GDF1: variants seen among roughly 807,000 people sequenced by gnomAD.
The protein encoded by GDF1 is growth differentiation factor 1, also known as embryonic growth/differentiation factor 1.
Under a neutral mutation model 7.4 loss-of-function variants are expected in GDF1, and 8 were observed. The ratio of observed to expected loss-of-function variants is 1.09; its 90% CI spans 0.64 to 1.96. GDF1 has a LOEUF of 1.96. GDF1 is among the 30% of genes most tolerant of loss of function. The pLI is 0.00. For synonymous variants in GDF1, 311 were observed against 276.7 expected, an observed-to-expected ratio of 1.12 and a Z score of -1.23; for missense variants, 574 against 551.5, an observed-to-expected ratio of 1.04 and a Z score of -0.41.
Position 18,868,793 on chromosome 19 carries a change from CCCGACAGCGCGA to C in GDF1, c.911_922del (p.Val304_Ser307del). The C allele has an allele frequency of 1.4e-6, 2 of 1,459,508 alleles. No homozygotes were observed. Among genetic ancestry groups the C allele is most frequent in the Non-Finnish European group, 1.8e-6 (2 of 1,095,968 alleles). The allele number at this position is 1,459,508 out of a possible 1,614,324, so 90.4% of individuals were successfully genotyped here. ...GTTGAGCGCCGGCGGCCCCCCGGACCCCGACAGCGCGACGGGCAGCGCGCACTGACCCTGGCA... is the reference window on the plus strand; with the variant it reads ...GTTGAGCGCCGGCGGCCCCCCGGACCCGGGCAGCGCGCACTGACCCTGGCA... On this transcript the variant is annotated inframe_deletion, in exon 8 of 8. Coordinates refer to ENST00000247005, the MANE Select transcript of GDF1 (RefSeq NM_001492.6).
At chr19:18,877,350 A>C (rs1222630994) in intron 6 of GDF1, among the ~76,000 whole-genome samples, 1 of 152,134 alleles carries the variant, frequency 6.6e-6, no homozygotes, top group East Asian at 1.9e-4. Context: ...TCACTGTTCT[A>C]CAGCAAGAGG....
chr19:18,871,242 T>C (rs2055965256), intron 6 of GDF1, among the ~76,000 whole-genome samples: 1 of 145,386 alleles, frequency 6.9e-6, no homozygotes, highest in African/African-American at 2.6e-5. Flanking sequence ...TTTTTTTTTT[T>C]TTGAGACAGA....
intron 3 of GDF1, among the ~76,000 whole-genome samples, chr19:18,881,073 G>C (rs1265852187): frequency 6.6e-6 from 1 of 152,034 alleles, no homozygotes; most frequent in Non-Finnish European, 1.5e-5. Context: ...TCACAGGCCT[G>C]GGGTACTCTG....
chr19:18,890,694 T>G (rs2146060416), intron 2 of GDF1, among the ~76,000 whole-genome samples: 1 of 150,830 alleles, frequency 6.6e-6, no homozygotes, highest in Admixed American at 6.7e-5. Flanking sequence ...GGTGGGATGA[T>G]TGCTTGAGCC....
rs1465088094 is a variant in GDF1 at position 18,870,792 on chromosome 19, C to T, written c.-312-173G>A. On this transcript the variant is annotated intron_variant, in intron 6 of 7. Coordinates refer to ENST00000247005, the MANE Select transcript of GDF1 (RefSeq NM_001492.6). This position sits in a 1 kb window ranked among gnomAD's most constrained non-coding sequence, Gnocchi z 5.1. ...TCACCCTGCCCCTCCTTGCCTTCAC[C>T]CTGCCCCTCCTTCAACCTGCCCCGT... Among the ~76,000 whole-genome samples, 1 of 152,136 alleles carries T rather than the reference C, an allele frequency of 6.6e-6. No individual in the cohort carries two copies. The highest frequency in any genetic ancestry group is 1.5e-5 in the Non-Finnish European group (1 of 67,986).
chr19:18,894,603 G>T (rs1412091406), intron 1 of GDF1, among the ~76,000 whole-genome samples: 2 of 152,088 alleles, frequency 1.3e-5, no homozygotes, highest in Admixed American at 1.3e-4. Flanking sequence ...GCCCTCCTGG[G>T]TCTCGGGCTT....
In GDF1 at chr19:18,884,127, C is replaced by A. The variant is rs374308521; in HGVS notation, c.-773G>T. On this transcript the variant is annotated 5_prime_UTR_variant, in exon 3 of 8. Coordinates refer to ENST00000247005, the MANE Select transcript of GDF1 (RefSeq NM_001492.6). The stretch of plus-strand genomic sequence containing the variant: ...GAGACGATGAGGATGAGAGTGACCA[C>A]GTGGTGGAGCAGCATGACCACCGAG... 2 of 1,613,412 alleles carry A rather than the reference C, an allele frequency of 1.2e-6. No homozygotes were observed. Among genetic ancestry groups the A allele is most frequent in the Non-Finnish European group, 8.5e-7 (1 of 1,179,790 alleles).
chr19:18,888,894 T>C (rs1254187823), intron 2 of GDF1, among the ~76,000 whole-genome samples: 6 of 147,738 alleles, frequency 4.1e-5, no homozygotes, highest in Admixed American at 6.7e-5. Context: ...TCTTTCTTTT[T>C]TTTTTTTTTT....
rs558113420 is a variant in GDF1, at chr19:18,878,771, G to A, written c.-313+159C>T. The A allele has an allele frequency of 1.4e-5, 20 of 1,448,158 alleles. No individual in the cohort carries two copies. The highest frequency in any genetic ancestry group is 7.1e-5 in the Admixed American group (3 of 42,158). 89.7% of individuals were successfully genotyped at this position (1,448,158 alleles called of 1,614,324 possible). A position where few individuals can be genotyped will look rare whatever the true frequency, so the allele number is the denominator to read the frequency against. ...TGTCCTTCAGGGTACTGGCCACATC[G>A]TCCACGCCTTTATTGCAGTCTCTGT... is the stretch of plus-strand genomic sequence containing the variant. On this transcript the variant is annotated intron_variant, in intron 6 of 7. Coordinates refer to ENST00000247005, the MANE Select transcript of GDF1 (RefSeq NM_001492.6). This position sits in a 1 kb window ranked among gnomAD's most constrained non-coding sequence, Gnocchi z 4.6.
chr19:18,885,811 G>A (rs1019345791), intron 2 of GDF1, among the ~76,000 whole-genome samples: 11 of 152,108 alleles, frequency 7.2e-5, no homozygotes, highest in African/African-American at 1.9e-4. Flanking sequence ...GAGCCGCTGC[G>A]CCCGGCCTCT....
At chr19:18,893,689 C>A in intron 1 of GDF1, 114 bp from the exon 2 acceptor site, 1 of 1,101,990 alleles carries the variant, frequency 9.1e-7, no homozygotes, top group Non-Finnish European at 1.3e-6. Flanking sequence ...ACTGGGAAGG[C>A]CTGTCCCCCA....
At chr19:18,873,270 C>T (rs147702658) in intron 6 of GDF1, among the ~76,000 whole-genome samples, 102 of 152,224 alleles carry the variant, frequency 6.7e-4, no homozygotes, top group African/African-American at 2.4e-3. Context: ...GAGAATGGCA[C>T]TCAGGGGAGC....
chr19:18,890,003 G>A (rs931268395), intron 2 of GDF1, among the ~76,000 whole-genome samples: 1 of 152,164 alleles, frequency 6.6e-6, no homozygotes, highest in African/African-American at 2.4e-5. Flanking sequence ...TCAGGCTCCA[G>A]CTCCTGCTGT....
Position 18,893,496 on chromosome 19 carries a change from A to C in GDF1, c.-994T>G. The C allele has an allele frequency of 6.2e-7, 1 of 1,609,236 alleles. No individual in the cohort carries two copies. Among genetic ancestry groups the C allele is most frequent in the Non-Finnish European group, 8.5e-7 (1 of 1,178,090 alleles). On this transcript the variant is annotated 5_prime_UTR_variant, in exon 2 of 8. Coordinates refer to ENST00000247005, the MANE Select transcript of GDF1 (RefSeq NM_001492.6). ...GTAGGCACTGTAGCTCCAGCTGCCC[A>C]GGTAGAAGAGAAACTTCCAAGCGCT...
At chr19:18,871,877 TAAAC>T (rs1380401112) in intron 6 of GDF1, among the ~76,000 whole-genome samples, 2 of 152,148 alleles carry the variant, frequency 1.3e-5, no homozygotes, top group African/African-American at 4.8e-5. Context: ...ATTCTTCCCA[TAAAC>T]AAACCTCCGT....
intron 2 of GDF1, among the ~76,000 whole-genome samples, chr19:18,887,877 G>A (rs953433856): frequency 4.6e-5 from 7 of 151,944 alleles, no homozygotes; most frequent in Admixed American, 3.9e-4. Context: ...TTCCCCAATG[G>A]AACAGTCCTC....
intron 3 of GDF1, among the ~76,000 whole-genome samples, 196 bp from the exon 4 acceptor site, chr19:18,880,631 C>T (rs185010369): frequency 9.9e-5 from 15 of 152,094 alleles, no homozygotes; most frequent in African/African-American, 3.4e-4. Context: ...CCCACTTAGC[C>T]GTGCACCCCC....
chr19:18,883,173 C>T (rs1441036290), intron 3 of GDF1: 1 of 152,138 alleles, frequency 6.6e-6, no homozygotes, highest in Non-Finnish European at 1.5e-5. Flanking sequence ...CTTTGTTGCT[C>T]TATATTTGTG....
At chr19:18,871,093 C>A (rs2055961291) in intron 6 of GDF1, among the ~76,000 whole-genome samples, 1 of 151,626 alleles carries the variant, frequency 6.6e-6, no homozygotes, top group Non-Finnish European at 1.5e-5. Flanking sequence ...CTTTTATTTT[C>A]CTTTTTTTTT....
Sources: allele counts gnomAD v4.1 joint callset (sites outside exome capture counted in the v4.1 genomes callset), GRCh38; gene constraint gnomAD v4.1.1; non-coding constraint Gnocchi (gnomAD v3.1); transcripts MANE v1.5; gene names NCBI Gene and HGNC (gene_info 2026-07-23, HGNC 2026-07-21).